PTPN9: variants seen among roughly 807,000 people sequenced by gnomAD.
PTPN9 encodes tyrosine-protein phosphatase non-receptor type 9.
Under a neutral mutation model 69.8 loss-of-function variants are expected in PTPN9, and 26 were observed. That is an observed-to-expected ratio of 0.37 (90% CI 0.27 to 0.52). The LOEUF (loss-of-function observed/expected upper bound fraction) is 0.52. Ranked by LOEUF, PTPN9 falls within the 20% of genes least tolerant of loss-of-function variation. The pLI, the probability that PTPN9 is intolerant of heterozygous loss-of-function variation, is 0.91. For synonymous variants in PTPN9, 274 were observed against 272.5 expected, an observed-to-expected ratio of 1.01 and a Z score of -0.05; for missense variants, 549 against 740.3, an observed-to-expected ratio of 0.74 and a Z score of 3.00.
In PTPN9 at chr15:75,481,819, C is replaced by T. The variant is rs1422676247; in HGVS notation, c.1063-1905G>A. On this transcript the variant is annotated intron_variant, in intron 8 of 12. Coordinates refer to ENST00000618819, the MANE Select transcript of PTPN9 (RefSeq NM_002833.4). ...CCTCTGCCCGGCCAGCCGCCCCGTC[C>T]GGGAGGGAGGTGGGGGGGGGTCAGC... is the stretch of plus-strand genomic sequence containing the variant. 3.2e-4 allele frequency among the ~76,000 whole-genome samples: 42 copies of T among 132,140 alleles called. 1 individual carries two copies. The highest frequency in any genetic ancestry group is 1.1e-3 in the African/African-American group (40 of 35,534). The allele number at this position is 132,140 out of a possible 152,430, so 86.7% of individuals were successfully genotyped here.
In PTPN9 at chr15:75,468,768, G is replaced by A. The variant is rs751366058; in HGVS notation, c.*1C>T. Reference sequence around the variant, plus strand: ...CAACAGGTAGGAGGTTCGTAGGAGAGTTACTGACTCTCCACGGCCAGCAGG... The same window carrying A: ...CAACAGGTAGGAGGTTCGTAGGAGAATTACTGACTCTCCACGGCCAGCAGG... On this transcript the variant is annotated 3_prime_UTR_variant, in exon 13 of 13. Transcript: ENST00000618819. 6.2e-7 allele frequency: 1 copy of A among 1,613,474 alleles called. No individual in the cohort carries two copies. The highest frequency in any genetic ancestry group is 1.1e-5 in the South Asian group (1 of 91,034).
chr15:75,548,874 C>T (rs2075045410), intron 1 of PTPN9, among the ~76,000 whole-genome samples: 1 of 151,178 alleles, frequency 6.6e-6, no homozygotes, highest in African/African-American at 2.4e-5. Flanking sequence ...AGAATGGTCT[C>T]GATCTCCTGA....
chr15:75,497,932 G>A (rs962585346), intron 7 of PTPN9, among the ~76,000 whole-genome samples: 1 of 152,064 alleles, frequency 6.6e-6, no homozygotes, highest in Non-Finnish European at 1.5e-5. Flanking sequence ...GCTCATGCCT[G>A]TAATCCCAGC....
At chr15:75,519,183 A>G (rs1050036847) in intron 4 of PTPN9, among the ~76,000 whole-genome samples, 1 of 152,146 alleles carries the variant, frequency 6.6e-6, no homozygotes. Context: ...ATCTCGGCTC[A>G]CTGCAACCTC....
intron 10 of PTPN9, among the ~76,000 whole-genome samples, chr15:75,472,130 G>C (rs144261575): frequency 0.013 from 1,947 of 152,160 alleles, 17 homozygotes; most frequent in Non-Finnish European, 0.019. Flanking sequence ...AAATTTGCCA[G>C]ATTTGTAGAC....
At position 75,470,845 on chromosome 15, in the gene PTPN9, A is replaced by G; in HGVS notation, c.1209-15T>C. ...CTTCCTCAAAGCTGAAGACACACAG[A>G]GCAAGGTAAGCCTTCCATCGTTCCT... On this transcript the variant is annotated splice_polypyrimidine_tract_variant and intron_variant, in intron 10 of 12. Transcript: ENST00000618819. The G allele has an allele frequency of 6.2e-7, 1 of 1,612,594 alleles. No homozygotes were observed. Among genetic ancestry groups the G allele is most frequent in the Non-Finnish European group, 8.5e-7 (1 of 1,179,246 alleles).
intron 1 of PTPN9, among the ~76,000 whole-genome samples, chr15:75,567,242 T>A (rs990093418): frequency 1.3e-5 from 2 of 152,124 alleles, no homozygotes; most frequent in East Asian, 3.9e-4. Context: ...GGTCTTGAAC[T>A]CCTGACCTCA....
chr15:75,541,503 T>G (rs907926345), intron 1 of PTPN9, among the ~76,000 whole-genome samples: 1 of 146,818 alleles, frequency 6.8e-6, no homozygotes, highest in Non-Finnish European at 1.5e-5. Context: ...GCCTCCCAGG[T>G]TCACACCATT....
rs949819324 is a variant in PTPN9, at chr15:75,577,771, AT to A, written c.63+942del. ...TTTTTCTTTTTTCATGTTTATTTTT[AT>A]TTTTTTTATTTATAACATGGAATCA... On this transcript the variant is annotated intron_variant, in intron 1 of 12. Coordinates refer to ENST00000618819, the MANE Select transcript of PTPN9 (RefSeq NM_002833.4). Among the ~76,000 whole-genome samples the A allele has an allele frequency of 1.4e-4, 21 of 151,896 alleles. 1 individual carries two copies. Among genetic ancestry groups the A allele is most frequent in the South Asian group, 8.3e-4 (4 of 4,820 alleles).
At chr15:75,482,946 C>A (rs1405411934) in intron 8 of PTPN9, among the ~76,000 whole-genome samples, 2 of 151,248 alleles carry the variant, frequency 1.3e-5, no homozygotes, top group East Asian at 3.9e-4. Context: ...CAGAGCGAGA[C>A]TCTGTCTCAA....
intron 1 of PTPN9, among the ~76,000 whole-genome samples, chr15:75,549,013 C>T (rs1398862222): frequency 2.0e-5 from 3 of 151,706 alleles, no homozygotes; most frequent in Non-Finnish European, 4.4e-5. Context: ...GGCTGGAGTG[C>T]AGTGGGGCAA....
intron 8 of PTPN9, among the ~76,000 whole-genome samples, chr15:75,489,041 G>C (rs1203343909): frequency 6.6e-6 from 1 of 151,814 alleles, no homozygotes; most frequent in Non-Finnish European, 1.5e-5. Context: ...CGGGCGTGGT[G>C]GTGGGCACCT....
intron 9 of PTPN9, 99 bp downstream of exon 9, chr15:75,479,744 CCTCCA>C: frequency 1.0e-6 from 1 of 980,960 alleles, no homozygotes. Context: ...GTGGCCAAAA[CCTCCA>C]CTCAAGTTAC....
intron 5 of PTPN9, among the ~76,000 whole-genome samples, chr15:75,515,070 G>C (rs2074862485): frequency 6.6e-6 from 1 of 152,122 alleles, no homozygotes; most frequent in South Asian, 2.1e-4. Flanking sequence ...CTCAATGGGG[G>C]AGATATCACC....
intron 1 of PTPN9, among the ~76,000 whole-genome samples, chr15:75,569,414 T>G (rs2075139244): frequency 6.6e-6 from 1 of 152,002 alleles, no homozygotes; most frequent in South Asian, 2.1e-4. Flanking sequence ...TTAAAACAGT[T>G]TAGCTCCTGG....
At chr15:75,547,004 A>G (rs774996378) in intron 1 of PTPN9, among the ~76,000 whole-genome samples, 1 of 151,726 alleles carries the variant, frequency 6.6e-6, no homozygotes, top group Non-Finnish European at 1.5e-5. Context: ...GTCAAAAACC[A>G]CCTGTGCCAG....
chr15:75,523,295 A>C, intron 3 of PTPN9, 50 bp from the exon 4 acceptor site: 2 of 1,583,568 alleles, frequency 1.3e-6, no homozygotes, highest in Non-Finnish European at 1.7e-6. Flanking sequence ...AGAAAATCAC[A>C]GCAATTACTA....
chr15:75,557,583 A>G (rs749470036), intron 1 of PTPN9, among the ~76,000 whole-genome samples: 5 of 152,212 alleles, frequency 3.3e-5, no homozygotes, highest in Non-Finnish European at 5.9e-5. Context: ...AGAAACTGCC[A>G]AAGTGTTTTC....
At chr15:75,567,009 AT>A (rs1215458636) in intron 1 of PTPN9, among the ~76,000 whole-genome samples, 5 of 143,176 alleles carry the variant, frequency 3.5e-5, no homozygotes, top group African/African-American at 1.3e-4. Context: ...TAAATAGCCC[AT>A]TTTTTTTCTT....
Sources: gnomAD v4.1 joint callset for allele counts (sites outside exome capture counted in the v4.1 genomes callset) on GRCh38, gnomAD v4.1.1 for gene constraint, MANE v1.5 for transcripts, NCBI Gene and HGNC (gene_info 2026-07-23, HGNC 2026-07-21) for gene names.